The following PDGFC variants were observed in gnomAD, a reference collection of about 807,000 sequenced individuals.
The protein encoded by PDGFC is platelet-derived growth factor C.
In PDGFC, 12 loss-of-function variants were observed where a neutral mutation model predicts 35.5. The ratio of observed to expected loss-of-function variants is 0.34; its 90% CI spans 0.22 to 0.55. PDGFC has a LOEUF of 0.55. Among genes scored for constraint, PDGFC ranks in the 20% least tolerant of loss-of-function variants. The pLI is 0.91. For missense variants in PDGFC, 322 were observed against 412.4 expected (o/e 0.78, Z 1.90); for synonymous variants, 159 against 148.8 (o/e 1.07, Z -0.50).
At chr4:156,837,480 A>G (rs1175423393) in intron 2 of PDGFC, among the ~76,000 whole-genome samples, 1 of 152,142 alleles carries the variant, frequency 6.6e-6, no homozygotes, top group African/African-American at 2.4e-5. Context: ...AGATAGTAAC[A>G]TGAATATTTC....
chr4:156,940,317 C>T (rs1216753378), intron 1 of PDGFC, among the ~76,000 whole-genome samples: 1 of 151,950 alleles, frequency 6.6e-6, no homozygotes, highest in African/African-American at 2.4e-5. Context: ...GGAATCTTGT[C>T]TATATTATTA....
Position 156,762,201 on chromosome 4 carries a change from A to G in PDGFC, c.*889T>C, listed in dbSNP as rs1050027668. On this transcript the variant is annotated 3_prime_UTR_variant, in exon 6 of 6. Coordinates refer to ENST00000502773, the MANE Select transcript of PDGFC (RefSeq NM_016205.3). Reference sequence around the variant, plus strand: ...TTTTGTCAGAGCAACAATATTTTATATCATCTTTGTTCCTCTGGCTATAAC... The same window carrying G: ...TTTTGTCAGAGCAACAATATTTTATGTCATCTTTGTTCCTCTGGCTATAAC... 1.3e-5 allele frequency: 2 copies of G among 152,682 alleles called. No homozygotes were observed. The highest frequency in any genetic ancestry group is 2.1e-4 in the South Asian group (1 of 4,830). The allele number at this position is 152,682 out of a possible 1,614,324, so 9.5% of individuals were successfully genotyped here.
At chr4:156,914,355 C>T (rs1373205272) in intron 1 of PDGFC, among the ~76,000 whole-genome samples, 1 of 152,098 alleles carries the variant, frequency 6.6e-6, no homozygotes, top group Non-Finnish European at 1.5e-5. Context: ...TACTGGGCAC[C>T]CTCTTGCTTA....
intron 2 of PDGFC, among the ~76,000 whole-genome samples, chr4:156,839,352 G>A (rs1729143335): frequency 6.6e-6 from 1 of 152,134 alleles, no homozygotes. Context: ...GCTTTTATAA[G>A]GGGCTTTTTC....
chr4:156,806,167 T>A (rs1421969796), intron 3 of PDGFC, among the ~76,000 whole-genome samples: 3 of 152,020 alleles, frequency 2.0e-5, no homozygotes, highest in Non-Finnish European at 4.4e-5. Context: ...ATCATAGAAG[T>A]GATAGAACAA....
At chr4:156,886,928 G>T (rs1300644246) in intron 1 of PDGFC, 4 of 152,132 alleles carry the variant, frequency 2.6e-5, no homozygotes, top group African/African-American at 9.7e-5. Context: ...CTTATTATAT[G>T]AGACAATAAA....
Position 156,839,914 on chromosome 4 carries a change from G to A in PDGFC, c.314+10307C>T, listed in dbSNP as rs531417738. 5.9e-5 allele frequency among the ~76,000 whole-genome samples: 9 copies of A among 152,220 alleles called. No individual in the cohort carries two copies. In the South Asian group the frequency reaches 1.9e-3, roughly 32 times the overall value. The stretch of plus-strand genomic sequence containing the variant: ...AAGAGACTGGCGGTTTTTTGCTCCT[G>A]CCCTAGAGATGTGTGGAACTTTGAA... On this transcript the variant is annotated intron_variant, in intron 2 of 5. Transcript: ENST00000502773.
intron 3 of PDGFC, among the ~76,000 whole-genome samples, chr4:156,804,587 A>C (rs1189400652): frequency 6.6e-6 from 1 of 151,882 alleles, no homozygotes; most frequent in African/African-American, 2.4e-5. Context: ...CACATACTGC[A>C]TTTTTATAGG....
intron 1 of PDGFC, among the ~76,000 whole-genome samples, chr4:156,896,135 C>G (rs1279240711): frequency 6.6e-6 from 1 of 151,962 alleles, no homozygotes; most frequent in Non-Finnish European, 1.5e-5. Flanking sequence ...CATAATGTAC[C>G]TCTTTACCAA....
Position 156,896,228 on chromosome 4 carries a change from G to A in PDGFC, c.119-45812C>T, listed in dbSNP as rs375870496. On this transcript the variant is annotated intron_variant, in intron 1 of 5. Coordinates refer to ENST00000502773, the MANE Select transcript of PDGFC (RefSeq NM_016205.3). ...TAAATTAATAATTATAATGCCTAAG[G>A]TTAGATATAAAAATCACTGTTGTTT... is the stretch of plus-strand genomic sequence containing the variant. Among the ~76,000 whole-genome samples the A allele has an allele frequency of 1.6e-4, 24 of 152,130 alleles. No homozygotes were observed. The East Asian group carries it at 2.3e-3, about 15-fold the overall frequency.
chr4:156,856,831 T>C (rs1214685035), intron 1 of PDGFC, among the ~76,000 whole-genome samples: 1 of 152,162 alleles, frequency 6.6e-6, no homozygotes, highest in Non-Finnish European at 1.5e-5. Context: ...ATTTGATGTC[T>C]TACTCAAAGT....
chr4:156,941,240 T>G (rs1164341246), intron 1 of PDGFC, among the ~76,000 whole-genome samples: 2 of 152,188 alleles, frequency 1.3e-5, no homozygotes, highest in African/African-American at 4.8e-5. Context: ...TGAAACATAA[T>G]GAAGGGGTTC....
At chr4:156,813,696 T>C (rs1233108813) in intron 2 of PDGFC, among the ~76,000 whole-genome samples, 1 of 152,114 alleles carries the variant, frequency 6.6e-6, no homozygotes, top group Non-Finnish European at 1.5e-5. Context: ...TGGTATTGCA[T>C]GGTAATAAGA....
chr4:156,795,370 T>C (rs964602321), intron 3 of PDGFC, among the ~76,000 whole-genome samples: 1 of 152,138 alleles, frequency 6.6e-6, no homozygotes, highest in Non-Finnish European at 1.5e-5. Context: ...TTAAAAGGTA[T>C]CTTTAAGTTT....
At chr4:156,892,754 A>G (rs1454511801) in intron 1 of PDGFC, among the ~76,000 whole-genome samples, 5 of 152,250 alleles carry the variant, frequency 3.3e-5, no homozygotes, top group African/African-American at 1.2e-4. Flanking sequence ...ACAGCTGATG[A>G]CATAAATTGA....
chr4:156,763,777 G>A (rs1009433053), intron 5 of PDGFC, among the ~76,000 whole-genome samples: 2 of 152,168 alleles, frequency 1.3e-5, no homozygotes, highest in African/African-American at 4.8e-5. Flanking sequence ...ATAGACATCA[G>A]CCCCAGTCAC....
chr4:156,800,132 AC>A (rs1731559826), intron 3 of PDGFC, among the ~76,000 whole-genome samples: 2 of 152,196 alleles, frequency 1.3e-5, no homozygotes, highest in Non-Finnish European at 2.9e-5. Context: ...GTTTTAATCT[AC>A]AAAATGGTAG....
chr4:156,827,620 T>C (rs915094009), intron 2 of PDGFC, among the ~76,000 whole-genome samples: 1 of 151,432 alleles, frequency 6.6e-6, no homozygotes, highest in African/African-American at 2.4e-5. Context: ...AAATCTTAGT[T>C]TTTTTTTTCT....
intron 1 of PDGFC, among the ~76,000 whole-genome samples, chr4:156,932,587 T>C (rs1731577268): frequency 6.6e-6 from 1 of 152,148 alleles, no homozygotes; most frequent in African/African-American, 2.4e-5. Context: ...TGAGTTCATG[T>C]CCTTTGTAGG....
Sources: allele counts gnomAD v4.1 joint callset (sites outside exome capture counted in the v4.1 genomes callset), GRCh38; gene constraint gnomAD v4.1.1; transcripts MANE v1.5; gene names NCBI Gene and HGNC (gene_info 2026-07-23, HGNC 2026-07-21).